The following MCTP1 variants were observed in gnomAD, a reference collection of about 807,000 sequenced individuals.
MCTP1 encodes multiple C2 and transmembrane domain containing 1.
Under a neutral mutation model 120.6 loss-of-function variants are expected in MCTP1, and 69 were observed. The observed-to-expected ratio is 0.57, with a 90% CI of 0.47 to 0.70. The LOEUF is 0.70. MCTP1 is among the 30% of genes least tolerant of loss of function. MCTP1 has a pLI of 0.00. For synonymous variants in MCTP1, 529 were observed against 493.1 expected, an observed-to-expected ratio of 1.07 and a Z score of -0.96; for missense variants, 1,203 against 1,248.8, an observed-to-expected ratio of 0.96 and a Z score of 0.55.
At chr5:95,177,069 A>G (rs1240174937) in intron 1 of MCTP1, among the ~76,000 whole-genome samples, 1 of 151,610 alleles carries the variant, frequency 6.6e-6, no homozygotes, top group African/African-American at 2.4e-5. Context: ...ACACATACAT[A>G]ATATATACAC....
chr5:95,184,520 T>G (rs1034252135), intron 1 of MCTP1, among the ~76,000 whole-genome samples: 3 of 152,174 alleles, frequency 2.0e-5, no homozygotes, highest in Non-Finnish European at 4.4e-5. Flanking sequence ...TTCCCGGGTG[T>G]AGGGCAAACT....
chr5:95,137,626 G>C (rs1471174633), intron 1 of MCTP1, among the ~76,000 whole-genome samples: 1 of 152,120 alleles, frequency 6.6e-6, no homozygotes, highest in African/African-American at 2.4e-5. Context: ...CTCAACTGTG[G>C]CACATTTGTG....
intron 1 of MCTP1, among the ~76,000 whole-genome samples, chr5:95,145,343 G>T (rs1013867170): frequency 1.2e-4 from 18 of 151,994 alleles, no homozygotes; most frequent in African/African-American, 4.1e-4. Context: ...ATTCAGCAGA[G>T]GGAGATACTT....
In MCTP1 at chr5:94,909,301, A is replaced by G. The variant is rs766297328; in HGVS notation, c.1602T>C (p.Asp534=). ...HLYEERGGVI[D]ITAWDKDAGK... ...CAGCATCTTTGTCCCATGCAGTGAT[A>G]TCAATGACTCCTCCTCTTTCTTCAT... Residue 534 remains aspartate, a synonymous_variant, in exon 10 of 23, where the codon GAT becomes GAC. Coordinates refer to ENST00000515393, the MANE Select transcript of MCTP1 (RefSeq NM_024717.7). The G allele has an allele frequency of 6.2e-6, 10 of 1,610,594 alleles. No homozygotes were observed. The South Asian group carries it at 6.6e-5, about 11-fold the overall frequency.
intron 22 of MCTP1, among the ~76,000 whole-genome samples, chr5:94,707,873 A>G (rs1755124893): frequency 2.0e-5 from 3 of 151,738 alleles, no homozygotes. Flanking sequence ...GTTTTTTACA[A>G]TTTATCGTGT....
chr5:94,827,477 G>T (rs538041539), intron 17 of MCTP1, among the ~76,000 whole-genome samples: 2 of 152,120 alleles, frequency 1.3e-5, no homozygotes, highest in African/African-American at 4.8e-5. Flanking sequence ...GAGTATCTTT[G>T]TGGTGTTCTT....
At chr5:95,038,495 A>C (rs913149074) in intron 1 of MCTP1, among the ~76,000 whole-genome samples, 1 of 150,650 alleles carries the variant, frequency 6.6e-6, no homozygotes, top group Non-Finnish European at 1.5e-5. Flanking sequence ...CCTCAAGGAG[A>C]GAGAGCACCA....
intron 1 of MCTP1, among the ~76,000 whole-genome samples, chr5:95,209,996 T>G (rs1240633183): frequency 6.6e-6 from 1 of 152,218 alleles, no homozygotes; most frequent in Non-Finnish European, 1.5e-5. Context: ...GTGAGTTTCT[T>G]AATCCTGAGT....
At chr5:95,097,174 G>T (rs1309060477) in intron 1 of MCTP1, among the ~76,000 whole-genome samples, 1 of 152,016 alleles carries the variant, frequency 6.6e-6, no homozygotes, top group African/African-American at 2.4e-5. Flanking sequence ...CAATGTTAAT[G>T]TATTCATGTT....
chr5:95,262,834 T>C (rs983549091), intron 1 of MCTP1, among the ~76,000 whole-genome samples: 1 of 152,224 alleles, frequency 6.6e-6, no homozygotes, highest in Non-Finnish European at 1.5e-5. Flanking sequence ...AACAATGTCA[T>C]CTATCCCTAA....
At chr5:95,129,667 C>CTT (rs11387309) in intron 1 of MCTP1, among the ~76,000 whole-genome samples, 24 of 148,712 alleles carry the variant, frequency 1.6e-4, no homozygotes, top group South Asian at 1.1e-3. Context: ...GGCACATTTT[C>CTT]TTTTTTTTTT....
At chr5:94,865,471 A>G (rs1796632085) in intron 17 of MCTP1, among the ~76,000 whole-genome samples, 1 of 151,786 alleles carries the variant, frequency 6.6e-6, no homozygotes, top group South Asian at 2.1e-4. Context: ...AAAGTGGGCC[A>G]AGTAGAACCG....
chr5:94,915,296 T>C (rs1809764901), intron 8 of MCTP1, among the ~76,000 whole-genome samples: 1 of 152,200 alleles, frequency 6.6e-6, no homozygotes, highest in Non-Finnish European at 1.5e-5. Flanking sequence ...ATTTCTCATC[T>C]TTATTCCTGA....
chr5:95,123,871 G>A (rs573015558), intron 1 of MCTP1, among the ~76,000 whole-genome samples: 2 of 152,012 alleles, frequency 1.3e-5, no homozygotes, highest in African/African-American at 4.8e-5. Flanking sequence ...GGATGGTCTC[G>A]ATCTCCTGAC....
At chr5:94,840,152 C>T (rs1790689037) in intron 17 of MCTP1, among the ~76,000 whole-genome samples, 1 of 152,044 alleles carries the variant, frequency 6.6e-6, no homozygotes, top group Non-Finnish European at 1.5e-5. Context: ...CAAAGTGACA[C>T]TCATCTTAGA....
chr5:95,008,694 A>G (rs1248400806), intron 2 of MCTP1, among the ~76,000 whole-genome samples: 1 of 152,164 alleles, frequency 6.6e-6, no homozygotes, highest in African/African-American at 2.4e-5. Flanking sequence ...TGATGAGATC[A>G]TCCTGGATTT....
chr5:95,266,179 T>G (rs2152725568), intron 1 of MCTP1, among the ~76,000 whole-genome samples: 1 of 152,338 alleles, frequency 6.6e-6, no homozygotes, highest in East Asian at 1.9e-4. Context: ...TCAATCCAAG[T>G]GCCCTGCAAG....
chr5:94,870,835 T>C (rs1354433890), intron 15 of MCTP1, 37 bp downstream of exon 15: 1 of 1,317,670 alleles, frequency 7.6e-7, no homozygotes, highest in East Asian at 2.3e-5. Flanking sequence ...GAAACTGAAC[T>C]CTTTAGCAGT....
At chr5:95,061,004 T>A (rs538121836) in intron 1 of MCTP1, among the ~76,000 whole-genome samples, 19 of 12,324 alleles carry the variant, frequency 1.5e-3, no homozygotes, top group African/African-American at 2.2e-3. Context: ...AAATGTACAT[T>A]TTTTTTTTTT....
Sources: gnomAD v4.1 joint callset for allele counts (sites outside exome capture counted in the v4.1 genomes callset) on GRCh38, gnomAD v4.1.1 for gene constraint, MANE v1.5 for transcripts, NCBI Gene and HGNC (gene_info 2026-07-23, HGNC 2026-07-21) for gene names.